UNC5C: variants seen among roughly 807,000 people sequenced by gnomAD.
UNC5C encodes unc-5 netrin receptor C.
A neutral mutation model predicts 99.8 loss-of-function variants in UNC5C; 47 were observed. That is an observed-to-expected ratio of 0.47 (90% CI 0.37 to 0.60). UNC5C has a LOEUF of 0.60. UNC5C is among the 20% of genes least tolerant of loss of function. The probability of loss-of-function intolerance (pLI) is 0.00; values close to 1 mark genes in which losing one functional copy is unlikely to be tolerated. For missense variants in UNC5C, 1,062 were observed against 1,165.9 expected (o/e 0.91, Z 1.30); for synonymous variants, 487 against 452.2 (o/e 1.08, Z -0.98).
At chr4:95,317,622 G>C (rs1456418176) in intron 2 of UNC5C, among the ~76,000 whole-genome samples, 1 of 152,158 alleles carries the variant, frequency 6.6e-6, no homozygotes, top group Non-Finnish European at 1.5e-5. Flanking sequence ...GCTGTGAGCA[G>C]GAGGAAAATG....
chr4:95,452,256 TA>T (rs11289494), intron 1 of UNC5C, among the ~76,000 whole-genome samples: 52,860 of 150,628 alleles, frequency 0.35, 9,696 homozygotes, highest in African/African-American at 0.44. Flanking sequence ...AACTTTCTGA[TA>T]AAAAAAAAAT....
intron 1 of UNC5C, among the ~76,000 whole-genome samples, chr4:95,344,119 C>T (rs893902838): frequency 2.6e-5 from 4 of 151,628 alleles, no homozygotes; most frequent in African/African-American, 9.7e-5. Context: ...CAGGTTTAAC[C>T]CAAATAAGAC....
At chr4:95,520,822 G>A (rs148817586) in intron 1 of UNC5C, among the ~76,000 whole-genome samples, 1,563 of 151,820 alleles carry the variant, frequency 0.01, 11 homozygotes, top group African/African-American at 0.021. Flanking sequence ...AGATGGTCTC[G>A]GTCTCCTGAC....
At chr4:95,481,464 C>T (rs1721151425) in intron 1 of UNC5C, among the ~76,000 whole-genome samples, 1 of 151,826 alleles carries the variant, frequency 6.6e-6, no homozygotes, top group African/African-American at 2.4e-5. Flanking sequence ...AATGCCATCC[C>T]CATCAAGCTA....
intron 1 of UNC5C, among the ~76,000 whole-genome samples, chr4:95,489,785 A>T (rs78153938): frequency 0.031 from 4,722 of 151,796 alleles, 107 homozygotes; most frequent in African/African-American, 0.066. Flanking sequence ...GGGTAACGGA[A>T]GAAGGGGGAG....
intron 1 of UNC5C, among the ~76,000 whole-genome samples, chr4:95,499,308 C>T (rs1022299830): frequency 4.6e-5 from 7 of 152,070 alleles, no homozygotes; most frequent in African/African-American, 1.7e-4. Context: ...GGCCAATAAA[C>T]CACTCAGCCC....
chr4:95,378,415 A>G (rs1744960812), intron 1 of UNC5C, among the ~76,000 whole-genome samples: 1 of 152,198 alleles, frequency 6.6e-6, no homozygotes, highest in South Asian at 2.1e-4. Flanking sequence ...TAATTTTTAT[A>G]TCTTAAGGGT....
intron 4 of UNC5C, among the ~76,000 whole-genome samples, chr4:95,263,700 C>G (rs1395538354): frequency 6.6e-6 from 1 of 152,198 alleles, no homozygotes. Flanking sequence ...TAAAATCACT[C>G]AACCTTATTT....
intron 12 of UNC5C, among the ~76,000 whole-genome samples, 199 bp from the exon 13 acceptor site, chr4:95,185,395 C>G (rs1167770918): frequency 6.6e-6 from 1 of 152,166 alleles, no homozygotes; most frequent in Non-Finnish European, 1.5e-5. Context: ...GGACCAGACC[C>G]TAATAACAAA....
chr4:95,447,083 T>C (rs893806484), intron 1 of UNC5C, among the ~76,000 whole-genome samples: 1 of 152,226 alleles, frequency 6.6e-6, no homozygotes, highest in Non-Finnish European at 1.5e-5. Context: ...TGTTCCTCTG[T>C]AGCATGATCA....
At position 95,182,886 on chromosome 4, in the gene UNC5C, G is replaced by A. The variant is rs1207212817; in HGVS notation, c.2451+11C>T. The A allele has an allele frequency of 6.2e-7, 1 of 1,604,456 alleles. No individual in the cohort carries two copies. The highest frequency in any genetic ancestry group is 8.5e-7 in the Non-Finnish European group (1 of 1,172,486). ...CTCTCCCCTGATTTCAGACAGACAG[G>A]AGCCACTTACCTCTGACACGGTGCA... On this transcript the variant is annotated intron_variant, in intron 14 of 15. Transcript: ENST00000453304.
At chr4:95,215,208 G>A (rs187015158) in intron 10 of UNC5C, among the ~76,000 whole-genome samples, 1 of 152,328 alleles carries the variant, frequency 6.6e-6, no homozygotes, top group East Asian at 1.9e-4. Flanking sequence ...GTGTTATAAT[G>A]ATAACCTAGT....
intron 7 of UNC5C, among the ~76,000 whole-genome samples, chr4:95,236,732 A>G (rs1178580446): frequency 6.6e-6 from 1 of 152,212 alleles, no homozygotes; most frequent in Non-Finnish European, 1.5e-5. Flanking sequence ...CTAAATACAT[A>G]TATAAATCCA....
chr4:95,369,050 A>T (rs927160652), intron 1 of UNC5C, among the ~76,000 whole-genome samples: 7 of 151,826 alleles, frequency 4.6e-5, no homozygotes, highest in African/African-American at 1.7e-4. Context: ...GTAGAGATGG[A>T]GTCTCACTAT....
chr4:95,186,397 TGG>T (rs1736831653), intron 12 of UNC5C, among the ~76,000 whole-genome samples: 1 of 152,182 alleles, frequency 6.6e-6, no homozygotes, highest in Non-Finnish European at 1.5e-5. Context: ...ATTTCAGGCA[TGG>T]GAACCAGATT....
intron 1 of UNC5C, among the ~76,000 whole-genome samples, chr4:95,445,915 A>G (rs769384314): frequency 1.3e-5 from 2 of 151,664 alleles, no homozygotes; most frequent in Non-Finnish European, 2.9e-5. Flanking sequence ...CACCACCGGA[A>G]GTTACTTACT....
chr4:95,285,612 T>C (rs1741203024), intron 3 of UNC5C, among the ~76,000 whole-genome samples: 1 of 152,214 alleles, frequency 6.6e-6, no homozygotes, highest in Admixed American at 6.5e-5. Flanking sequence ...CTAATATTCC[T>C]TATTGTTCTT....
At chr4:95,481,444 C>G (rs1023441660) in intron 1 of UNC5C, among the ~76,000 whole-genome samples, 1 of 151,616 alleles carries the variant, frequency 6.6e-6, no homozygotes, top group Admixed American at 6.6e-5. Context: ...CCAAGGTAAT[C>G]TATAGATTCA....
chr4:95,525,612 A>AAAAAAAAAAAAAAAAAAAAAAAAAAAT (rs1722479765), intron 1 of UNC5C, among the ~76,000 whole-genome samples: 1 of 151,164 alleles, frequency 6.6e-6, no homozygotes, highest in Non-Finnish European at 1.5e-5. Context: ...AAAAAAAAAA[A>AAAAAAAAAAAAAAAAAAAAAAAAAAAT]AAAAAAGACA....
Sources: gnomAD v4.1 joint callset for allele counts (sites outside exome capture counted in the v4.1 genomes callset) on GRCh38, gnomAD v4.1.1 for gene constraint, MANE v1.5 for transcripts, NCBI Gene and HGNC (gene_info 2026-07-23, HGNC 2026-07-21) for gene names.